Variants in TBC1D9 observed in about 807,000 individuals in gnomAD.
TBC1D9 encodes the protein TBC1 domain family member 9, also known as TBC1 domain family member 9A.
Under a neutral mutation model 132.0 loss-of-function variants are expected in TBC1D9, and 63 were observed. The observed-to-expected ratio is 0.48, with a 90% CI of 0.39 to 0.59. The LOEUF (loss-of-function observed/expected upper bound fraction) is 0.59. Ranked by LOEUF, TBC1D9 falls within the 20% of genes least tolerant of loss-of-function variation. TBC1D9 has a pLI of 0.00. For missense variants in TBC1D9, 1,261 were observed against 1,592.7 expected (o/e 0.79, Z 3.54); for synonymous variants, 610 against 609.9 (o/e 1.00, Z 0.00).
chr4:140,712,511 G>A (rs1738261352), intron 1 of TBC1D9, among the ~76,000 whole-genome samples: 1 of 140,068 alleles, frequency 7.1e-6, no homozygotes, highest in Non-Finnish European at 1.5e-5. Context: ...GGGAGGCCCA[G>A]GCGGGCAAAT....
chr4:140,685,134 T>A lies in TBC1D9; in HGVS notation c.360+1210A>T, dbSNP rs1164573015. ...TGTAAACTGTCACAGTAAAGACTGG[T>A]TCAGATGAAAAATCATCAATGGATC... On this transcript the variant is annotated intron_variant, in intron 3 of 20. Coordinates refer to ENST00000442267, the MANE Select transcript of TBC1D9 (RefSeq NM_015130.3). 4.6e-5 allele frequency among the ~76,000 whole-genome samples: 7 copies of A among 152,324 alleles called. No homozygotes were observed. The East Asian group carries it at 1.4e-3, about 29-fold the overall frequency.
intron 1 of TBC1D9, 34 bp downstream of exon 1, chr4:140,755,882 C>A: frequency 1.3e-6 from 2 of 1,502,656 alleles, no homozygotes; most frequent in Non-Finnish European, 1.8e-6. Context: ...GCGCTCCCGG[C>A]TCCCCTCCTG....
intron 13 of TBC1D9, among the ~76,000 whole-genome samples, chr4:140,639,882 T>A (rs1161608706): frequency 6.6e-6 from 1 of 152,168 alleles, no homozygotes; most frequent in Non-Finnish European, 1.5e-5. Context: ...ATGCTATGTG[T>A]CTCCTGATGG....
intron 1 of TBC1D9, among the ~76,000 whole-genome samples, chr4:140,730,610 C>T (rs1326919940): frequency 6.6e-6 from 1 of 152,066 alleles, no homozygotes; most frequent in Non-Finnish European, 1.5e-5. Context: ...GCTACAATCC[C>T]AGCTACTCAA....
chr4:140,667,804 T>C (rs1737471054), intron 9 of TBC1D9, among the ~76,000 whole-genome samples: 1 of 152,228 alleles, frequency 6.6e-6, no homozygotes, highest in Non-Finnish European at 1.5e-5. Flanking sequence ...AAACTAGTTT[T>C]ACATGAAATA....
chr4:140,754,498 C>T (rs1390757305), intron 1 of TBC1D9, among the ~76,000 whole-genome samples: 1 of 150,862 alleles, frequency 6.6e-6, no homozygotes, highest in Non-Finnish European at 1.5e-5. Context: ...GCCTGTAGTC[C>T]CAGCTACTCA....
intron 7 of TBC1D9, among the ~76,000 whole-genome samples, 178 bp from the exon 8 acceptor site, chr4:140,669,982 G>A (rs1394973219): frequency 6.6e-6 from 1 of 152,200 alleles, no homozygotes; most frequent in Non-Finnish European, 1.5e-5. Context: ...TAGACAGGTG[G>A]CTGGGTCCCA....
At chr4:140,686,287 C>T (rs1737778247) in intron 3 of TBC1D9, 57 bp downstream of exon 3, 2 of 1,128,112 alleles carry the variant, frequency 1.8e-6, no homozygotes, top group Middle Eastern at 2.0e-4. Flanking sequence ...ATTTTTACAA[C>T]ATTTCTGTAA....
At chr4:140,674,473 G>A (rs1398848662) in intron 6 of TBC1D9, among the ~76,000 whole-genome samples, 4 of 152,090 alleles carry the variant, frequency 2.6e-5, no homozygotes, top group Admixed American at 6.5e-5. Context: ...ATAGGTAACC[G>A]AATGAATAAA....
chr4:140,699,159 T>G (rs747252871), intron 2 of TBC1D9, among the ~76,000 whole-genome samples: 21 of 152,170 alleles, frequency 1.4e-4, no homozygotes, highest in Admixed American at 2.6e-4. Context: ...AATGTTGGAT[T>G]ATAACCCAGA....
chr4:140,710,531 C>A (rs1312879962), intron 1 of TBC1D9, among the ~76,000 whole-genome samples: 3 of 152,176 alleles, frequency 2.0e-5, no homozygotes, highest in Admixed American at 2.0e-4. Flanking sequence ...TATGACTAAA[C>A]AAACAGAGCA....
At chr4:140,708,860 G>A (rs1578850225) in intron 1 of TBC1D9, among the ~76,000 whole-genome samples, 1 of 152,088 alleles carries the variant, frequency 6.6e-6, no homozygotes, top group East Asian at 1.9e-4. Context: ...GTTCTGTTCC[G>A]TGACCTCAAA....
At chr4:140,624,257 C>CA (rs1400949259) in intron 19 of TBC1D9, 38 bp from the exon 20 acceptor site, 1 of 1,609,262 alleles carries the variant, frequency 6.2e-7, no homozygotes, top group Non-Finnish European at 8.5e-7. Flanking sequence ...GCTTACAGGC[C>CA]AAAAAACAAG....
intron 11 of TBC1D9, 42 bp from the exon 12 acceptor site, chr4:140,657,854 T>C (rs1232892775): frequency 6.4e-7 from 1 of 1,569,186 alleles, no homozygotes; most frequent in East Asian, 2.2e-5. Context: ...CTTAGCCAAC[T>C]ACACAGTGTA....
intron 1 of TBC1D9, among the ~76,000 whole-genome samples, chr4:140,732,930 A>G (rs891521091): frequency 8.5e-5 from 13 of 152,232 alleles, no homozygotes; most frequent in African/African-American, 3.1e-4. Context: ...AATCGCCACT[A>G]TAAAAATAGC....
chr4:140,756,175 C>A lies in TBC1D9; in HGVS notation c.-130G>T. On this transcript the variant is annotated 5_prime_UTR_variant, in exon 1 of 21. Coordinates refer to ENST00000442267, the MANE Select transcript of TBC1D9 (RefSeq NM_015130.3). The surrounding 1 kb of genome is among the most constrained non-coding windows in gnomAD (Gnocchi z 5.6). ...CGTCCGCTAGGTGCGGCGGCGGCGG[C>A]GGCAGGCGACTTCAGGGGGTGGCCC... 1 of 632,210 alleles carries A rather than the reference C, an allele frequency of 1.6e-6. No homozygotes were observed. The highest frequency in any genetic ancestry group is 3.7e-5 in the East Asian group (1 of 27,328). 39.2% of individuals were successfully genotyped at this position (632,210 alleles called of 1,614,324 possible).
chr4:140,652,516 T>C (rs1042272975), intron 13 of TBC1D9, among the ~76,000 whole-genome samples: 3 of 152,226 alleles, frequency 2.0e-5, no homozygotes, highest in Non-Finnish European at 4.4e-5. Context: ...GTTGACCTCA[T>C]GACCATCGGT....
At chr4:140,642,691 A>G (rs59439529) in intron 13 of TBC1D9, 47,026 of 663,542 alleles carry the variant, frequency 0.071, 1,952 homozygotes, top group Admixed American at 0.12. Context: ...CTGTTCCAAT[A>G]AGGGCATTGT....
At chr4:140,698,745 G>C (rs1193297302) in intron 2 of TBC1D9, among the ~76,000 whole-genome samples, 3 of 151,388 alleles carry the variant, frequency 2.0e-5, no homozygotes, top group African/African-American at 4.9e-5. Context: ...CTCGGGGGTG[G>C]GGGGGGGAAA....
Sources: allele counts gnomAD v4.1 joint callset (sites outside exome capture counted in the v4.1 genomes callset), GRCh38; gene constraint gnomAD v4.1.1; non-coding constraint Gnocchi (gnomAD v3.1); transcripts MANE v1.5; gene names NCBI Gene and HGNC (gene_info 2026-07-23, HGNC 2026-07-21).